The following LSAMP variants were observed in gnomAD, a reference collection of about 807,000 sequenced individuals.
LSAMP encodes the protein limbic system associated membrane protein.
Under a neutral mutation model 38.6 loss-of-function variants are expected in LSAMP, and 7 were observed. That is an observed-to-expected ratio of 0.18 (90% CI 0.10 to 0.34). The LOEUF (loss-of-function observed/expected upper bound fraction) is 0.34. Ranked by LOEUF, LSAMP falls within the 10% of genes least tolerant of loss-of-function variation. The probability of loss-of-function intolerance (pLI) is 1.00; values close to 1 mark genes in which losing one functional copy is unlikely to be tolerated. For missense variants in LSAMP, 313 were observed against 420.0 expected, an observed-to-expected ratio of 0.75 and a Z score of 2.23; for synonymous variants, 154 against 166.8, an observed-to-expected ratio of 0.92 and a Z score of 0.59.
chr3:116,045,541 T>TAAAAAAAA (rs10662058), intron 2 of LSAMP, among the ~76,000 whole-genome samples: 1 of 76,020 alleles, frequency 1.3e-5, no homozygotes, highest in Non-Finnish European at 2.6e-5. Flanking sequence ...GTGGAGGTGG[T>TAAAAAAAA]AAAAAAAAAA....
intron 1 of LSAMP, among the ~76,000 whole-genome samples, chr3:116,333,465 C>T (rs773383640): frequency 2.0e-5 from 3 of 146,736 alleles, no homozygotes; most frequent in South Asian, 2.1e-4. Context: ...ACCCAGGAGG[C>T]GGAGGTTGCA....
intron 3 of LSAMP, among the ~76,000 whole-genome samples, chr3:115,956,569 A>C (rs1055601477): frequency 3.3e-5 from 5 of 152,122 alleles, no homozygotes; most frequent in African/African-American, 1.2e-4. Flanking sequence ...CTCATGTTTT[A>C]AAGATGTCCT....
intron 1 of LSAMP, among the ~76,000 whole-genome samples, chr3:116,375,096 T>A (rs1299752252): frequency 6.6e-6 from 1 of 151,978 alleles, no homozygotes; most frequent in Non-Finnish European, 1.5e-5. Context: ...ATGTGAAAAT[T>A]GCTTTGAAGT....
intron 2 of LSAMP, among the ~76,000 whole-genome samples, chr3:116,027,058 T>C (rs1359849029): frequency 3.3e-5 from 5 of 152,228 alleles, no homozygotes; most frequent in East Asian, 1.9e-4. Flanking sequence ...AGTATAAATG[T>C]GTTCCAAATA....
At chr3:116,100,472 C>T (rs1708320861) in intron 1 of LSAMP, among the ~76,000 whole-genome samples, 1 of 152,014 alleles carries the variant, frequency 6.6e-6, no homozygotes, top group Non-Finnish European at 1.5e-5. Context: ...ATTATTTAAA[C>T]AAATTTTTAG....
intron 3 of LSAMP, among the ~76,000 whole-genome samples, chr3:115,987,653 C>T (rs1939549218): frequency 6.6e-6 from 1 of 152,142 alleles, no homozygotes; most frequent in Admixed American, 6.6e-5. Flanking sequence ...TGTAGTTTTA[C>T]AAGGTTTCAT....
intron 1 of LSAMP, among the ~76,000 whole-genome samples, chr3:116,119,758 A>C (rs971187688): frequency 6.6e-6 from 1 of 151,194 alleles, no homozygotes; most frequent in Admixed American, 6.6e-5. Context: ...ACCCCGATTC[A>C]AGTGAGATTC....
At chr3:116,146,434 C>T (rs542837868) in intron 1 of LSAMP, among the ~76,000 whole-genome samples, 1 of 151,964 alleles carries the variant, frequency 6.6e-6, no homozygotes, top group East Asian at 1.9e-4. Flanking sequence ...TTAGCAGCTG[C>T]TATTACTTAA....
At chr3:116,292,909 C>CT (rs1040837129) in intron 1 of LSAMP, among the ~76,000 whole-genome samples, 7 of 152,244 alleles carry the variant, frequency 4.6e-5, no homozygotes, top group Middle Eastern at 3.4e-3. Context: ...TCCCATTAAC[C>CT]TTTTTTAGTC....
At chr3:116,156,327 TC>T (rs1709746814) in intron 1 of LSAMP, among the ~76,000 whole-genome samples, 1 of 152,130 alleles carries the variant, frequency 6.6e-6, no homozygotes, top group African/African-American at 2.4e-5. Context: ...ATGCAGAAAG[TC>T]ACATAAAATC....
intron 3 of LSAMP, among the ~76,000 whole-genome samples, chr3:115,864,864 G>A (rs1241692453): frequency 6.6e-6 from 1 of 152,180 alleles, no homozygotes; most frequent in Non-Finnish European, 1.5e-5. Context: ...AATATAAATA[G>A]CACAGAACTT....
intron 2 of LSAMP, among the ~76,000 whole-genome samples, chr3:116,033,596 G>C (rs924834861): frequency 4.6e-5 from 7 of 152,080 alleles, no homozygotes; most frequent in African/African-American, 1.7e-4. Context: ...ACAAAAAGCA[G>C]TCTCTCCGTA....
chr3:115,993,322 C>T (rs76256161), intron 3 of LSAMP, among the ~76,000 whole-genome samples: 2,737 of 152,154 alleles, frequency 0.018, 53 homozygotes, highest in African/African-American at 0.05. Flanking sequence ...GAAAAAAATT[C>T]ATCTAGCATT....
chr3:116,167,492 G>A (rs1240858387), intron 1 of LSAMP, among the ~76,000 whole-genome samples: 1 of 152,212 alleles, frequency 6.6e-6, no homozygotes, highest in Non-Finnish European at 1.5e-5. Context: ...ATCTCATAAA[G>A]AGTGTAGCTG....
chr3:115,841,933 C>A lies in LSAMP; in HGVS notation c.831G>T (p.Val277=). 1 of 1,613,926 alleles carries A rather than the reference C, an allele frequency of 6.2e-7. No individual in the cohort carries two copies. Among genetic ancestry groups the A allele is most frequent in the South Asian group, 1.1e-5 (1 of 91,036 alleles). Residue 277 remains valine, a synonymous_variant, in exon 6 of 7, where the codon GTG becomes GTT. Coordinates refer to ENST00000490035, the MANE Select transcript of LSAMP (RefSeq NM_002338.5). ...CGTAGTGCTCCTCAGTGACGTTGGTCACCGTCAGGGAAGACTGGCCCTCCG... is the reference window on the plus strand; with the variant it reads ...CGTAGTGCTCCTCAGTGACGTTGGTAACCGTCAGGGAAGACTGGCCCTCCG... ...KSTEGQSSLT[V]TNVTEEHYGN...
chr3:116,203,543 T>TCCCCCCA (rs1166991310), intron 1 of LSAMP, among the ~76,000 whole-genome samples: 2 of 96,938 alleles, frequency 2.1e-5, no homozygotes, highest in African/African-American at 8.0e-5. Flanking sequence ...ATGCTATCCC[T>TCCCCCCA]CCCCCCACCC....
chr3:116,175,153 A>AT (rs10719543), intron 1 of LSAMP, among the ~76,000 whole-genome samples: 1 of 151,828 alleles, frequency 6.6e-6, no homozygotes, highest in African/African-American at 2.4e-5. Flanking sequence ...TTCTTTAGTT[A>AT]TTTTTTTAGG....
At position 115,836,368 on chromosome 3, in the gene LSAMP, A is replaced by G. The variant is rs568807040; in HGVS notation, c.919+5477T>C. Among the ~76,000 whole-genome samples, 4 of 152,296 alleles carry G rather than the reference A, an allele frequency of 2.6e-5. No homozygotes were observed. In the East Asian group the frequency reaches 7.7e-4, roughly 29 times the overall value. On this transcript the variant is annotated intron_variant, in intron 6 of 6. Coordinates refer to ENST00000490035, the MANE Select transcript of LSAMP (RefSeq NM_002338.5). The stretch of plus-strand genomic sequence containing the variant: ...CTGCTGCTGTTTTACACTTCATGCT[A>G]GGGTTTGCAGGATCTTGTAAGAGTG...
chr3:116,072,276 G>A (rs765633454), intron 2 of LSAMP, among the ~76,000 whole-genome samples: 1 of 152,080 alleles, frequency 6.6e-6, no homozygotes, highest in Non-Finnish European at 1.5e-5. Context: ...CGCCCCGCCA[G>A]CATATTTTCT....
Sources: allele counts gnomAD v4.1 joint callset (sites outside exome capture counted in the v4.1 genomes callset), GRCh38; gene constraint gnomAD v4.1.1; transcripts MANE v1.5; gene names NCBI Gene and HGNC (gene_info 2026-07-23, HGNC 2026-07-21).